The following WWOX variants were observed in gnomAD, a reference collection of about 807,000 sequenced individuals.
WWOX encodes WW domain containing oxidoreductase.
In WWOX, 69 loss-of-function variants were observed where a neutral mutation model predicts 46.2. The ratio of observed to expected loss-of-function variants is 1.49; its 90% CI spans 1.23 to 1.82. The LOEUF (loss-of-function observed/expected upper bound fraction) is 1.82, where lower values mean the gene tolerates loss of function less well. Ranked by LOEUF, WWOX falls within the 40% of genes most tolerant of loss-of-function variation. The pLI is 0.00. For synonymous variants in WWOX, 359 were observed against 202.6 expected (o/e 1.77, Z -6.56); for missense variants, 919 against 542.6 (o/e 1.69, Z -6.89).
At chr16:78,830,686 C>G (rs917875488) in intron 8 of WWOX, among the ~76,000 whole-genome samples, 1 of 151,754 alleles carries the variant, frequency 6.6e-6, no homozygotes, top group Non-Finnish European at 1.5e-5. Flanking sequence ...CTGACAGGTA[C>G]GGCCGTGCAG....
At chr16:78,493,449 TGTGA>T (rs1239718852) in intron 8 of WWOX, among the ~76,000 whole-genome samples, 1 of 152,216 alleles carries the variant, frequency 6.6e-6, no homozygotes, top group Non-Finnish European at 1.5e-5. Context: ...GGTCCACCTG[TGTGA>T]GTAACTAACG....
intron 5 of WWOX, among the ~76,000 whole-genome samples, chr16:78,372,963 A>C (rs1026482227): frequency 2.1e-4 from 32 of 152,120 alleles, no homozygotes; most frequent in African/African-American, 7.5e-4. Context: ...GAATTATTTG[A>C]ATTCATAATG....
At chr16:79,114,539 C>T (rs189521304) in intron 8 of WWOX, among the ~76,000 whole-genome samples, 4 of 151,998 alleles carry the variant, frequency 2.6e-5, no homozygotes, top group East Asian at 2.0e-4. Flanking sequence ...TTGCCATCCA[C>T]CACCAGGAGC....
chr16:78,917,546 A>G lies in WWOX; in HGVS notation c.1057-294062A>G, dbSNP rs193164578. Among the ~76,000 whole-genome samples, 6 of 152,142 alleles carry G rather than the reference A, an allele frequency of 3.9e-5. No individual in the cohort carries two copies. The East Asian group carries it at 9.7e-4, about 25-fold the overall frequency. ...TCAACAAAATGGTCTGTTGGAAATT[A>G]TTCCTAACCCCCAACCACTGTCACT... On this transcript the variant is annotated intron_variant, in intron 8 of 8. Coordinates refer to ENST00000566780, the MANE Select transcript of WWOX (RefSeq NM_016373.4).
intron 5 of WWOX, among the ~76,000 whole-genome samples, chr16:78,317,141 G>GGAGT (rs1469577310): frequency 6.6e-6 from 1 of 152,186 alleles, no homozygotes; most frequent in African/African-American, 2.4e-5. Context: ...AAAGAATGGA[G>GGAGT]GAGTAAGGGA....
intron 8 of WWOX, among the ~76,000 whole-genome samples, chr16:78,556,903 G>C (rs185403911): frequency 6.0e-4 from 91 of 152,084 alleles, no homozygotes; most frequent in East Asian, 2.1e-3. Context: ...ATTTTCAATA[G>C]AGATGAGGTT....
chr16:78,207,800 T>G (rs546994701), intron 5 of WWOX, among the ~76,000 whole-genome samples: 1 of 151,682 alleles, frequency 6.6e-6, no homozygotes, highest in Non-Finnish European at 1.5e-5. Context: ...TCAACCATGC[T>G]TTTTTATTTT....
chr16:79,114,742 A>G (rs185659635), intron 8 of WWOX, among the ~76,000 whole-genome samples: 1 of 152,256 alleles, frequency 6.6e-6, no homozygotes, highest in East Asian at 1.9e-4. Context: ...CAACAAACCA[A>G]GGGGAGCTAA....
Position 78,480,066 on chromosome 16 carries a change from G to C in WWOX, c.1056+47314G>C, listed in dbSNP as rs191891990. Among the ~76,000 whole-genome samples the C allele has an allele frequency of 1.6e-3, 249 of 152,268 alleles. 1 individual carries two copies. Among genetic ancestry groups the C allele is most frequent in the Admixed American group, 0.01 (153 of 15,294 alleles). ...CTAGGTGGATTACAGAATTGTGCTGGGTCCTATGGAGTGTCAGAAATAGTG... is the reference window on the plus strand; with the variant it reads ...CTAGGTGGATTACAGAATTGTGCTGCGTCCTATGGAGTGTCAGAAATAGTG... On this transcript the variant is annotated intron_variant, in intron 8 of 8. Transcript: ENST00000566780.
At chr16:78,783,921 C>G (rs568545787) in intron 8 of WWOX, among the ~76,000 whole-genome samples, 37 of 148,688 alleles carry the variant, frequency 2.5e-4, no homozygotes, top group African/African-American at 7.7e-4. Context: ...ATGATGATGT[C>G]GATAATGATG....
At chr16:78,512,460 C>G (rs1230356130) in intron 8 of WWOX, among the ~76,000 whole-genome samples, 2 of 152,138 alleles carry the variant, frequency 1.3e-5, no homozygotes, top group Non-Finnish European at 1.5e-5. Context: ...TAAACGTGTT[C>G]ACCAAAACCC....
At chr16:78,371,904 A>C (rs2081699047) in intron 5 of WWOX, among the ~76,000 whole-genome samples, 2 of 152,202 alleles carry the variant, frequency 1.3e-5, no homozygotes, top group African/African-American at 2.4e-5. Flanking sequence ...ATGTTTTAAT[A>C]GCTTAACACA....
At chr16:78,179,686 A>T (rs1372120665) in intron 5 of WWOX, 2 of 152,220 alleles carry the variant, frequency 1.3e-5, no homozygotes, top group African/African-American at 4.8e-5. Context: ...GAGATAGCTA[A>T]TATTATGAAT....
intron 5 of WWOX, among the ~76,000 whole-genome samples, chr16:78,176,479 C>G (rs144130171): frequency 6.6e-6 from 1 of 152,146 alleles, no homozygotes; most frequent in African/African-American, 2.4e-5. Flanking sequence ...ACTTATTTAC[C>G]GGCAATTCTC....
chr16:78,451,544 T>C (rs933625215), intron 8 of WWOX, among the ~76,000 whole-genome samples: 1 of 152,132 alleles, frequency 6.6e-6, no homozygotes, highest in Admixed American at 6.5e-5. Context: ...CCCTTCCTTT[T>C]AGTGACCTGC....
chr16:78,444,691 C>T (rs567671630), intron 8 of WWOX, among the ~76,000 whole-genome samples: 33 of 152,014 alleles, frequency 2.2e-4, no homozygotes, highest in Admixed American at 2.6e-4. Flanking sequence ...CCACCACACC[C>T]GGCTAATTTT....
At chr16:78,211,830 A>G (rs1175021919) in intron 5 of WWOX, among the ~76,000 whole-genome samples, 1 of 152,186 alleles carries the variant, frequency 6.6e-6, no homozygotes, top group Non-Finnish European at 1.5e-5. Flanking sequence ...GGAAGGTTGC[A>G]CCAGTGGGAG....
chr16:79,060,116 T>C (rs898046115), intron 8 of WWOX, among the ~76,000 whole-genome samples: 1 of 152,226 alleles, frequency 6.6e-6, no homozygotes, highest in African/African-American at 2.4e-5. Flanking sequence ...GTTGTTTCTG[T>C]GTCAACCACC....
chr16:78,936,551 G>C lies in WWOX; in HGVS notation c.1057-275057G>C, dbSNP rs191886709. ...AGTGGTAAAGTTAAGCTGCTTTCTGGTAAGAATTTCAGAATTCCAGGACGT... is the reference window on the plus strand; with the variant it reads ...AGTGGTAAAGTTAAGCTGCTTTCTGCTAAGAATTTCAGAATTCCAGGACGT... On this transcript the variant is annotated intron_variant, in intron 8 of 8. Transcript: ENST00000566780. 2.0e-4 allele frequency among the ~76,000 whole-genome samples: 31 copies of C among 152,252 alleles called. No homozygotes were observed. In the South Asian group the frequency reaches 2.3e-3, roughly 11 times the overall value.
Sources: gnomAD v4.1 joint callset for allele counts (sites outside exome capture counted in the v4.1 genomes callset) on GRCh38, gnomAD v4.1.1 for gene constraint, MANE v1.5 for transcripts, NCBI Gene and HGNC (gene_info 2026-07-23, HGNC 2026-07-21) for gene names.